TRMT1L: variants seen among roughly 807,000 people sequenced by gnomAD.
The protein encoded by TRMT1L is tRNA methyltransferase 1L.
In TRMT1L, 28 loss-of-function variants were observed where a neutral mutation model predicts 81.6. That is an observed-to-expected ratio of 0.34 (90% CI 0.25 to 0.47). TRMT1L has a LOEUF of 0.47. Among genes scored for constraint, TRMT1L ranks in the 20% least tolerant of loss-of-function variants. The pLI, the probability that TRMT1L is intolerant of heterozygous loss-of-function variation, is 1.00. For synonymous variants in TRMT1L, 301 were observed against 303.2 expected, an observed-to-expected ratio of 0.99 and a Z score of 0.07; for missense variants, 739 against 877.1, an observed-to-expected ratio of 0.84 and a Z score of 1.99.
chr1:185,128,418 T>C (rs1330571814), intron 11 of TRMT1L, among the ~76,000 whole-genome samples: 1 of 152,238 alleles, frequency 6.6e-6, no homozygotes, highest in Non-Finnish European at 1.5e-5. Context: ...TTATCTAGTT[T>C]CCAGATCATC....
In TRMT1L at chr1:185,118,367, G is replaced by A. The variant is rs1384564173; in HGVS notation, c.*1652C>T. ...TATTTTAGGTAACAGTAATTTACAG[G>A]TTTCTTTATTAAATTAGGATCTTTG... On this transcript the variant is annotated 3_prime_UTR_variant, in exon 15 of 15. Coordinates refer to ENST00000367506, the MANE Select transcript of TRMT1L (RefSeq NM_030934.5). 6.6e-6 allele frequency: 1 copy of A among 151,854 alleles called. No homozygotes were observed. The highest frequency in any genetic ancestry group is 1.5e-5 in the Non-Finnish European group (1 of 67,966). The allele number at this position is 151,854 out of a possible 1,614,324, so 9.4% of individuals were successfully genotyped here. A position where few individuals can be genotyped will look rare whatever the true frequency, so the allele number is the denominator to read the frequency against.
rs777455821 is a variant in TRMT1L, at chr1:185,120,090, C to T, written c.2131G>A (p.Asp711Asn). The part of the protein sequence containing the change: ...SESHVQSASE[D>N]TVTERVEMSV... ...ATTTCAACTCTTTCAGTTACTGTATCTTCAGATGCTGACTGGACATGGCTT... is the reference window on the plus strand; with the variant it reads ...ATTTCAACTCTTTCAGTTACTGTATTTTCAGATGCTGACTGGACATGGCTT... Residue 711 changes from aspartate (D) to asparagine (N), a missense_variant, in exon 15 of 15, where the codon GAT becomes AAT. Around this residue, in one of 4 missense-constraint regions of TRMT1L, gnomAD observed 196 missense variants for 232.6 expected, o/e 0.84. Transcript: ENST00000367506. 6.2e-7 allele frequency: 1 copy of T among 1,613,994 alleles called. No homozygotes were observed. Among genetic ancestry groups the T allele is most frequent in the South Asian group, 1.1e-5 (1 of 91,080 alleles).
intron 5 of TRMT1L, among the ~76,000 whole-genome samples, chr1:185,144,691 T>C (rs1231181663): frequency 6.6e-6 from 1 of 152,038 alleles, no homozygotes; most frequent in East Asian, 1.9e-4. Context: ...AGATCCTTTA[T>C]GTTTGGATTT....
chr1:185,151,850 T>A lies in TRMT1L; in HGVS notation c.321A>T (p.Ser107=), dbSNP rs1653359234. The change falls in exon 2 of 15, where the codon TCA becomes TCT. Residue 107 remains serine (S), a synonymous_variant. Transcript: ENST00000367506. ...VTDGNFDSAS[S]LNSDNLDAGN... Reference sequence around the variant, plus strand: ...CTGCATCAAGATTATCTGAGTTCAATGAGCTGGCAGAGTCAAAATTTCCAT... The same window carrying A: ...CTGCATCAAGATTATCTGAGTTCAAAGAGCTGGCAGAGTCAAAATTTCCAT... 2 of 1,589,970 alleles carry A rather than the reference T, an allele frequency of 1.3e-6. No homozygotes were observed. The highest frequency in any genetic ancestry group is 4.6e-5 in the East Asian group (2 of 43,766).
At chr1:185,129,843 A>T (rs201750788) in intron 10 of TRMT1L, among the ~76,000 whole-genome samples, 2 of 39,756 alleles carry the variant, frequency 5.0e-5, no homozygotes, top group South Asian at 1.4e-3. Context: ...GCACTGACGT[A>T]AAGTTTTGTT....
At position 185,119,244 on chromosome 1, in the gene TRMT1L, C is replaced by G. The variant is rs1056309943; in HGVS notation, c.*775G>C. On this transcript the variant is annotated 3_prime_UTR_variant, in exon 15 of 15. Transcript: ENST00000367506. ...TACAACCAACCAAATGAATACTGTA[C>G]GTGCATTAACTGAGGCACTTAAGAT... 2 of 151,992 alleles carry G rather than the reference C, an allele frequency of 1.3e-5. No homozygotes were observed. The highest frequency in any genetic ancestry group is 2.4e-5 in the African/African-American group (1 of 41,400). 9.4% of individuals were successfully genotyped at this position (151,992 alleles called of 1,614,324 possible).
chr1:185,124,866 A>C, intron 12 of TRMT1L, 78 bp downstream of exon 12: 1 of 1,316,766 alleles, frequency 7.6e-7, no homozygotes, highest in Non-Finnish European at 1.0e-6. Flanking sequence ...TTTTATTATA[A>C]CATCAAATAC....
At position 185,134,888 on chromosome 1, in the gene TRMT1L, CAT is replaced by C. The variant is rs201052557; in HGVS notation, c.1513+2716_1513+2717del. Among the ~76,000 whole-genome samples the C allele has an allele frequency of 3.3e-5, 5 of 152,100 alleles. No individual in the cohort carries two copies. The East Asian group carries it at 7.7e-4, about 23-fold the overall frequency. ...GAAATTATGGCAAAAAGACTGATGA[CAT>C]ATACAGAATATTATTATATGTAGAG... On this transcript the variant is annotated intron_variant, in intron 10 of 14. Transcript: ENST00000367506.
chr1:185,142,042 ACCT>A (rs1358055766), intron 7 of TRMT1L, among the ~76,000 whole-genome samples: 1 of 152,152 alleles, frequency 6.6e-6, no homozygotes, highest in Non-Finnish European at 1.5e-5. Context: ...ATTAGAACAG[ACCT>A]GGTGGCTGAG....
rs1653607656 is a variant in TRMT1L, at chr1:185,156,733, G to A, written c.-21C>T. 6.2e-7 allele frequency: 1 copy of A among 1,611,916 alleles called. No individual in the cohort carries two copies. The highest frequency in any genetic ancestry group is 8.5e-7 in the Non-Finnish European group (1 of 1,179,540). ...TCCATAGTTACCGCCTCCGTGCCAAGCCCGCCCGGGGACCCGGAGCGGGGC... is the reference window on the plus strand; with the variant it reads ...TCCATAGTTACCGCCTCCGTGCCAAACCCGCCCGGGGACCCGGAGCGGGGC... On this transcript the variant is annotated 5_prime_UTR_variant, in exon 1 of 15. Coordinates refer to ENST00000367506, the MANE Select transcript of TRMT1L (RefSeq NM_030934.5).
chr1:185,122,985 AATCTAATATTC>A (rs1652537223), intron 13 of TRMT1L, among the ~76,000 whole-genome samples: 2 of 152,166 alleles, frequency 1.3e-5, no homozygotes, highest in African/African-American at 4.8e-5. Flanking sequence ...ATGCCCAGCA[AATCTAATATTC>A]TTTATAGTGT....
In TRMT1L at chr1:185,156,542, AGGGGCT is replaced by A. The variant is rs760284863; in HGVS notation, c.165_170del (p.Pro57_Ala58del). ...ACAGGGCCGGAGCCTGGGCCAGGGC[AGGGGCT>A]GGGGCTGGAGCCGAGGCCGGAGTCG... On this transcript the variant is annotated inframe_deletion, in exon 1 of 15. Coordinates refer to ENST00000367506, the MANE Select transcript of TRMT1L (RefSeq NM_030934.5). The A allele has an allele frequency of 3.3e-5, 53 of 1,610,902 alleles. No homozygotes were observed. Among genetic ancestry groups the A allele is most frequent in the Non-Finnish European group, 8.5e-7 (1 of 1,178,696 alleles).
chr1:185,149,149 T>C (rs1653267528), intron 3 of TRMT1L, among the ~76,000 whole-genome samples: 1 of 152,178 alleles, frequency 6.6e-6, no homozygotes, highest in South Asian at 2.1e-4. Flanking sequence ...ATATCTAATA[T>C]ACTCATTTCA....
chr1:185,156,539 G>C lies in TRMT1L; in HGVS notation c.174C>G (p.Ala58=). The C allele has an allele frequency of 6.2e-7, 1 of 1,611,740 alleles. No individual in the cohort carries two copies. The highest frequency in any genetic ancestry group is 8.5e-7 in the Non-Finnish European group (1 of 1,178,958). Residue 58 remains alanine, a synonymous_variant, in exon 1 of 15, where the codon GCC becomes GCG. Coordinates refer to ENST00000367506, the MANE Select transcript of TRMT1L (RefSeq NM_030934.5). ...TPASAPAPAP[A]LAQAPALSPS... is the part of the protein sequence containing the mutation. ...GGGACAGGGCCGGAGCCTGGGCCAG[G>C]GCAGGGGCTGGGGCTGGAGCCGAGG...
At chr1:185,128,539 A>G in intron 11 of TRMT1L, 130 bp downstream of exon 11, 6 of 797,674 alleles carry the variant, frequency 7.5e-6, no homozygotes, top group Non-Finnish European at 1.3e-5. Context: ...GGAGGAGAAG[A>G]GTCATAATTA....
rs1351930310 is a variant in TRMT1L, at chr1:185,147,188, T to G, written c.519A>C (p.Gly173=). Residue 173 remains glycine, a synonymous_variant, in exon 4 of 15, where the codon GGA becomes GGC. Transcript: ENST00000367506. The part of the protein sequence containing the change: ...PCRPVKPNII[G]EQITSKMGAH... ...AAATCTAATATCTGATCACCTGTTCTCCAATAATGTTTGGTTTCACTGGTC... is the reference window on the plus strand; with the variant it reads ...AAATCTAATATCTGATCACCTGTTCGCCAATAATGTTTGGTTTCACTGGTC... 2.0e-5 allele frequency: 32 copies of G among 1,605,642 alleles called. No individual in the cohort carries two copies. The East Asian group carries it at 7.2e-4, about 36-fold the overall frequency.
intron 13 of TRMT1L, among the ~76,000 whole-genome samples, chr1:185,122,078 G>T (rs557538929): frequency 6.6e-6 from 1 of 152,094 alleles, no homozygotes; most frequent in African/African-American, 2.4e-5. Flanking sequence ...TTAGGATAAC[G>T]GCCTAGAGTG....
chr1:185,155,926 C>T (rs1285405338), intron 1 of TRMT1L, among the ~76,000 whole-genome samples: 2 of 152,154 alleles, frequency 1.3e-5, no homozygotes, highest in African/African-American at 2.4e-5. Flanking sequence ...TCCTAAACTA[C>T]TACTCAGCCT....
At chr1:185,148,306 G>C (rs1038727628) in intron 3 of TRMT1L, among the ~76,000 whole-genome samples, 5 of 151,950 alleles carry the variant, frequency 3.3e-5, no homozygotes, top group Non-Finnish European at 7.4e-5. Context: ...CAAATTTCTG[G>C]TTCCGGCCTT....
Sources: allele counts gnomAD v4.1 joint callset (sites outside exome capture counted in the v4.1 genomes callset), GRCh38; gene constraint gnomAD v4.1.1; regional missense constraint gnomAD v4.1.1; transcripts MANE v1.5; gene names NCBI Gene and HGNC (gene_info 2026-07-23, HGNC 2026-07-21).